Variants in JAG2 observed in about 807,000 individuals in gnomAD.
JAG2 encodes the protein jagged canonical Notch ligand 2, also known as protein jagged-2.
A neutral mutation model predicts 141.7 loss-of-function variants in JAG2; 46 were observed. That is an observed-to-expected ratio of 0.32 (90% CI 0.26 to 0.42). The LOEUF (loss-of-function observed/expected upper bound fraction) is 0.42, where lower values mean the gene tolerates loss of function less well. Among genes scored for constraint, JAG2 ranks in the 10% least tolerant of loss-of-function variants. The pLI is 1.00. For missense variants in JAG2, 1,500 were observed against 1,817.5 expected (o/e 0.83, Z 3.18); for synonymous variants, 862 against 763.5 (o/e 1.13, Z -2.13).
chr14:105,148,289 G>C, intron 16 of JAG2, 37 bp downstream of exon 16: 1 of 1,592,190 alleles, frequency 6.3e-7, no homozygotes, highest in East Asian at 2.3e-5. Flanking sequence ...AGGGTCCTGG[G>C]GGCAGCCCCA....
Position 105,167,674 on chromosome 14 carries a change from G to A in JAG2, c.417+83C>T. The A allele has an allele frequency of 2.3e-6, 3 of 1,277,146 alleles. No individual in the cohort carries two copies. The highest frequency in any genetic ancestry group is 2.0e-6 in the Non-Finnish European group (2 of 1,013,734). 79.1% of individuals were successfully genotyped at this position (1,277,146 alleles called of 1,614,324 possible). A position where few individuals can be genotyped will look rare whatever the true frequency, so the allele number is the denominator to read the frequency against. ...CGGCTCGCACGCAGACCCGGCCGCAGGTGTTGGGGGTCGCGAAGCGCGCGG... is the reference window on the plus strand; with the variant it reads ...CGGCTCGCACGCAGACCCGGCCGCAAGTGTTGGGGGTCGCGAAGCGCGCGG... On this transcript the variant is annotated intron_variant, in intron 2 of 25. Transcript: ENST00000331782. This position sits in a 1 kb window ranked among gnomAD's most constrained non-coding sequence, Gnocchi z 4.8.
chr14:105,146,363 G>T, intron 22 of JAG2, 22 bp downstream of exon 22: 1 of 1,596,370 alleles, frequency 6.3e-7, no homozygotes, highest in Non-Finnish European at 8.6e-7. Flanking sequence ...GTAGGGCAGG[G>T]CGGCTCACGG....
chr14:105,142,664 C>T lies in JAG2; in HGVS notation c.*31G>A. The T allele has an allele frequency of 6.5e-7, 1 of 1,540,650 alleles. No individual in the cohort carries two copies. Among genetic ancestry groups the T allele is most frequent in the Non-Finnish European group, 8.8e-7 (1 of 1,132,840 alleles). On this transcript the variant is annotated 3_prime_UTR_variant, in exon 26 of 26. Transcript: ENST00000331782. ...CAGACGGCATGGCTCCCACCGAGGG[C>T]CCTGGGTCCCGGCCCAGCTGGCAGC...
intron 2 of JAG2, 41 bp from the exon 3 acceptor site, chr14:105,157,804 C>A (rs1438129565): frequency 6.5e-7 from 1 of 1,528,150 alleles, no homozygotes; most frequent in South Asian, 1.2e-5. Context: ...TGAGGCCACA[C>A]CTGCCTGCCT....
Position 105,146,408 on chromosome 14 carries a change from C to G in JAG2, c.2686G>C (p.Asp896His). 7 of 1,612,678 alleles carry G rather than the reference C, an allele frequency of 4.3e-6. No homozygotes were observed. Among genetic ancestry groups the G allele is most frequent in the Non-Finnish European group, 5.9e-6 (7 of 1,179,864 alleles). Residue 896 changes from aspartate to histidine, a missense_variant, in exon 22 of 26, where the codon GAT becomes CAT. By Grantham distance (81) the Asp-to-His change is moderately conservative. Coordinates refer to ENST00000331782, the MANE Select transcript of JAG2 (RefSeq NM_002226.5). ...ACCTTGCTGCAGTCACGGCGGCCAT[C>G]CAGGCAGCGGCAGCTGTTGCAGTCT... The part of the protein sequence containing the change: ...VEDCNSCRCL[D>H]GRRDCSKVWC...
At chr14:105,147,620 G>T (rs1014445967) in intron 18 of JAG2, 93 bp from the exon 19 acceptor site, 14 of 1,346,156 alleles carry the variant, frequency 1.0e-5, no homozygotes, top group Non-Finnish European at 1.4e-5. Flanking sequence ...CAGGCTGTGG[G>T]GCTGGGGAGG....
In JAG2 at chr14:105,168,459, C is replaced by T. The variant is rs1300362485; in HGVS notation, c.-39G>A. 2 of 603,740 alleles carry T rather than the reference C, an allele frequency of 3.3e-6. No homozygotes were observed. Among genetic ancestry groups the T allele is most frequent in the African/African-American group, 4.0e-5 (2 of 49,438 alleles). 37.4% of individuals were successfully genotyped at this position (603,740 alleles called of 1,614,324 possible). ...CGCCCGCCCGGCCCCGCCGCCGCCG[C>T]CCGCGCCCGGCTCCCAGCCGCCGCG... is the stretch of plus-strand genomic sequence containing the variant. On this transcript the variant is annotated 5_prime_UTR_variant, in exon 1 of 26. Transcript: ENST00000331782.
chr14:105,145,976 G>A lies in JAG2; in HGVS notation c.2710-3C>T, dbSNP rs1030681748. The A allele has an allele frequency of 7.5e-6, 12 of 1,592,750 alleles. No individual in the cohort carries two copies. Among genetic ancestry groups the A allele is most frequent in the Non-Finnish European group, 1.0e-5 (12 of 1,172,016 alleles). ...CAAGGCTTCCATCCGCACCACACCTGGGCAGGCACGCACAGGAGGGTCAGG... is the reference window on the plus strand; with the variant it reads ...CAAGGCTTCCATCCGCACCACACCTAGGCAGGCACGCACAGGAGGGTCAGG... On this transcript the variant is annotated splice_region_variant and splice_polypyrimidine_tract_variant and intron_variant, in intron 22 of 25. Transcript: ENST00000331782.
At chr14:105,153,306 C>G (rs1198039451) in intron 5 of JAG2, among the ~76,000 whole-genome samples, 1 of 152,250 alleles carries the variant, frequency 6.6e-6, no homozygotes, top group Admixed American at 6.5e-5. Flanking sequence ...CCGGGAAGAA[C>G]GTGTCTCCAG....
intron 2 of JAG2, among the ~76,000 whole-genome samples, chr14:105,165,552 G>A (rs902592944): frequency 8.5e-5 from 13 of 152,164 alleles, no homozygotes; most frequent in African/African-American, 2.4e-5. Context: ...AGCTGAGCCC[G>A]AGACCAGCAC....
chr14:105,147,751 C>A lies in JAG2; in HGVS notation c.2365+21G>T, dbSNP rs1888271897. 3.3e-6 allele frequency: 5 copies of A among 1,504,910 alleles called. No homozygotes were observed. The South Asian group carries it at 6.0e-5, about 18-fold the overall frequency. 93.2% of individuals were successfully genotyped at this position (1,504,910 alleles called of 1,614,324 possible). On this transcript the variant is annotated intron_variant, in intron 18 of 25. Transcript: ENST00000331782. Reference sequence around the variant, plus strand: ...CTGGGTGGAGGAAAGCGGCCCCCGCCCACACCCCTCCCACACTCACTGTGA... The same window carrying A: ...CTGGGTGGAGGAAAGCGGCCCCCGCACACACCCCTCCCACACTCACTGTGA...
In JAG2 at chr14:105,146,740, C is replaced by T; in HGVS notation, c.2480-16G>A. The stretch of plus-strand genomic sequence containing the variant: ...TCGTCGATGTCTGCAGGGAGAGCCA[C>T]CGCTGCTCAGTGCAGTGAGGCCAAC... On this transcript the variant is annotated splice_polypyrimidine_tract_variant and intron_variant, in intron 20 of 25. Transcript: ENST00000331782. 2 of 1,594,030 alleles carry T rather than the reference C, an allele frequency of 1.3e-6. No individual in the cohort carries two copies. The highest frequency in any genetic ancestry group is 1.1e-5 in the South Asian group (1 of 90,442).
rs367998465 is a variant in JAG2, at chr14:105,152,240, G to A, written c.840C>T (p.Pro280=). The A allele has an allele frequency of 8.1e-6, 13 of 1,613,386 alleles. No individual in the cohort carries two copies. The highest frequency in any genetic ancestry group is 6.7e-5 in the African/African-American group (5 of 74,940). Residue 280 remains proline (P), a synonymous_variant, in exon 6 of 26, where the codon CCC becomes CCT. Transcript: ENST00000331782. ...CCACACAACTGCCATGCACGCAGCC[G>A]GGGTAGGGGACACACTCATCGCAGA... is the stretch of plus-strand genomic sequence containing the variant. ...GRFCDECVPY[P]GCVHGSCVEP... is the part of the protein sequence containing the mutation.
chr14:105,167,254 C>T lies in JAG2; in HGVS notation c.417+503G>A, dbSNP rs587654802. The stretch of plus-strand genomic sequence containing the variant: ...CATCGGGGGCTTCTGCCGACATAAG[C>T]GTTAGGCGTTAGGCTCTCCCGGGCC... On this transcript the variant is annotated intron_variant, in intron 2 of 25. Transcript: ENST00000331782. The surrounding 1 kb of genome is among the most constrained non-coding windows in gnomAD (Gnocchi z 4.8). Among the ~76,000 whole-genome samples, 1 of 152,308 alleles carries T rather than the reference C, an allele frequency of 6.6e-6. No individual in the cohort carries two copies. The highest frequency in any genetic ancestry group is 6.5e-5 in the Admixed American group (1 of 15,314).
chr14:105,167,796 G>T lies in JAG2; in HGVS notation c.378C>A (p.Asp126Glu). The stretch of plus-strand genomic sequence containing the variant: ...GGAAGGGGATGACGACGAGGCCCGG[G>T]TCCTGGTCGCCGCCGGCCCGGGCCC... ...RARARAGGDQ[D>E]PGLVVIPFQF... The change falls in exon 2 of 26, where the codon GAC (aspartate) becomes GAA (glutamate). Residue 126 changes from aspartate (D) to glutamate (E), a missense_variant. Transcript: ENST00000331782. This position sits in a 1 kb window ranked among gnomAD's most constrained non-coding sequence, Gnocchi z 4.8. The T allele has an allele frequency of 3.4e-6, 5 of 1,465,262 alleles. No individual in the cohort carries two copies. The highest frequency in any genetic ancestry group is 4.5e-6 in the Non-Finnish European group (5 of 1,111,214). 90.8% of individuals were successfully genotyped at this position (1,465,262 alleles called of 1,614,324 possible).
chr14:105,142,660 A>G lies in JAG2; in HGVS notation c.*35T>C. ...CCGGCAGACGGCATGGCTCCCACCG[A>G]GGGCCCTGGGTCCCGGCCCAGCTGG... On this transcript the variant is annotated 3_prime_UTR_variant, in exon 26 of 26. Coordinates refer to ENST00000331782, the MANE Select transcript of JAG2 (RefSeq NM_002226.5). 2 of 1,520,442 alleles carry G rather than the reference A, an allele frequency of 1.3e-6. No homozygotes were observed. The allele number at this position is 1,520,442 out of a possible 1,614,324, so 94.2% of individuals were successfully genotyped here.
intron 19 of JAG2, 26 bp downstream of exon 19, chr14:105,147,471 CCTG>C (rs778969181): frequency 1.2e-6 from 2 of 1,609,868 alleles, no homozygotes; most frequent in Non-Finnish European, 8.5e-7. Flanking sequence ...CCCACCCACC[CCTG>C]CTGTGGCCCC....
intron 2 of JAG2, among the ~76,000 whole-genome samples, chr14:105,165,292 C>G (rs1038999563): frequency 1.3e-5 from 2 of 152,230 alleles, no homozygotes; most frequent in Non-Finnish European, 2.9e-5. Context: ...CATGACACTA[C>G]TCCTCCCCAA....
At chr14:105,148,012 C>A (rs1888283065) in intron 17 of JAG2, 104 bp downstream of exon 17, 2 of 1,136,114 alleles carry the variant, frequency 1.8e-6, no homozygotes, top group Non-Finnish European at 2.6e-6. Context: ...GGGCAGGTGG[C>A]AGGTGTGGCC....
Sources: gnomAD v4.1 joint callset for allele counts (sites outside exome capture counted in the v4.1 genomes callset) on GRCh38, gnomAD v4.1.1 for gene constraint, Gnocchi (gnomAD v3.1) non-coding constraint, MANE v1.5 for transcripts, NCBI Gene and HGNC (gene_info 2026-07-23, HGNC 2026-07-21) for gene names.